The following PIKFYVE variants were observed in gnomAD, a reference collection of about 807,000 sequenced individuals.
PIKFYVE encodes the protein phosphoinositide kinase, FYVE-type zinc finger containing.
PIKFYVE carries 122 observed loss-of-function variants against 257.9 expected under a neutral mutation model. That is an observed-to-expected ratio of 0.47 (90% CI 0.41 to 0.55). The LOEUF is 0.55. Among genes scored for constraint, PIKFYVE ranks in the 20% least tolerant of loss-of-function variants. PIKFYVE has a pLI of 0.00. For missense variants in PIKFYVE, 2,160 were observed against 2,536.6 expected, an observed-to-expected ratio of 0.85 and a Z score of 3.19; for synonymous variants, 892 against 868.9, an observed-to-expected ratio of 1.03 and a Z score of -0.47.
intron 16 of PIKFYVE, among the ~76,000 whole-genome samples, chr2:208,318,412 A>G (rs1695810743): frequency 6.6e-6 from 1 of 152,202 alleles, no homozygotes; most frequent in African/African-American, 2.4e-5. Flanking sequence ...AACCTGGGGT[A>G]TTAAGGAGAC....
At chr2:208,280,021 C>T (rs181308555) in intron 5 of PIKFYVE, among the ~76,000 whole-genome samples, 1 of 152,246 alleles carries the variant, frequency 6.6e-6, no homozygotes, top group African/African-American at 2.4e-5. Flanking sequence ...TTAGTTTCTC[C>T]CTACCTCTAA....
At chr2:208,345,884 G>C (rs1240084366) in intron 33 of PIKFYVE, among the ~76,000 whole-genome samples, 166 bp from the exon 34 acceptor site, 1 of 151,844 alleles carries the variant, frequency 6.6e-6, no homozygotes, top group African/African-American at 2.4e-5. Flanking sequence ...TTTTTTTTCT[G>C]TGTTCTAGCC....
At chr2:208,317,774 T>TCA in intron 15 of PIKFYVE, 93 bp from the exon 16 acceptor site, 1 of 1,241,414 alleles carries the variant, frequency 8.1e-7, no homozygotes, top group Middle Eastern at 2.2e-4. Context: ...ACATAATAGT[T>TCA]TAAAAAAAAT....
chr2:208,267,162 C>A (rs1688744653), intron 1 of PIKFYVE, among the ~76,000 whole-genome samples: 2 of 152,194 alleles, frequency 1.3e-5, no homozygotes, highest in South Asian at 4.1e-4. Context: ...CGCAGTGCAT[C>A]CTGTGTTGTA....
In PIKFYVE at chr2:208,355,275, C is replaced by T. The variant is rs765939037; in HGVS notation, c.6267C>T (p.Asp2089=). Residue 2089 remains aspartate (D), a synonymous_variant, in exon 42 of 42, where the codon GAC becomes GAT. Coordinates refer to ENST00000264380, the MANE Select transcript of PIKFYVE (RefSeq NM_015040.4). ...ACAAGTATTTCCTAATGGTACCAGA[C>T]CACTGGACAGGCTTGGGTCTGAATT... ...AMDKYFLMVP[D]HWTGLGLNC is the part of the protein sequence containing the mutation. The T allele has an allele frequency of 5.6e-6, 9 of 1,613,858 alleles. No individual in the cohort carries two copies. The highest frequency in any genetic ancestry group is 7.6e-6 in the Non-Finnish European group (9 of 1,179,780).
At chr2:208,323,828 T>G (rs1696596023) in intron 17 of PIKFYVE, among the ~76,000 whole-genome samples, 1 of 152,218 alleles carries the variant, frequency 6.6e-6, no homozygotes, top group Non-Finnish European at 1.5e-5. Flanking sequence ...GGTATCTCAT[T>G]GTGGTTTTGA....
At chr2:208,345,963 G>A (rs931486885) in intron 33 of PIKFYVE, 87 bp from the exon 34 acceptor site, 14 of 901,936 alleles carry the variant, frequency 1.6e-5, no homozygotes, top group East Asian at 5.3e-5. Flanking sequence ...GTAAATCAGT[G>A]TACAGCGTAA....
chr2:208,316,986 G>A (rs1393018797), intron 15 of PIKFYVE, among the ~76,000 whole-genome samples: 5 of 151,962 alleles, frequency 3.3e-5, no homozygotes, highest in African/African-American at 4.8e-5. Context: ...ATTAATTCAA[G>A]ATGGATTAAA....
chr2:208,297,379 A>G (rs1305286455), intron 7 of PIKFYVE, among the ~76,000 whole-genome samples: 1 of 152,316 alleles, frequency 6.6e-6, no homozygotes, highest in African/African-American at 2.4e-5. Context: ...ATAACCAATT[A>G]TTTTTAAAAA....
chr2:208,318,500 G>A (rs1364189424), intron 16 of PIKFYVE, among the ~76,000 whole-genome samples: 1 of 152,116 alleles, frequency 6.6e-6, no homozygotes, highest in Non-Finnish European at 1.5e-5. Context: ...TGTCATTAAA[G>A]GTCTTGAACT....
intron 6 of PIKFYVE, among the ~76,000 whole-genome samples, chr2:208,287,807 C>T (rs569979219): frequency 1.2e-4 from 19 of 152,124 alleles, no homozygotes; most frequent in African/African-American, 4.6e-4. Flanking sequence ...GCCATGTTGG[C>T]CAGGCTGGTC....
Position 208,320,273 on chromosome 2 carries a change from C to A in PIKFYVE, c.2104C>A (p.Pro702Thr). 1.2e-6 allele frequency: 2 copies of A among 1,611,480 alleles called. No homozygotes were observed. The highest frequency in any genetic ancestry group is 2.2e-5 in the South Asian group (2 of 90,670). Residue 702 changes from proline to threonine, a missense_variant, in exon 17 of 42, where the codon CCC (proline) becomes ACC (threonine). Physicochemically the swap from Pro to Thr is conservative, Grantham distance 38 (BLOSUM62 -1). This residue lies in a region of PIKFYVE where 346 missense variants were observed against 365.6 expected (regional missense o/e 0.95). Coordinates refer to ENST00000264380, the MANE Select transcript of PIKFYVE (RefSeq NM_015040.4). ...HKKMSSCIKN[P>T]KILLLKCSIE... ...GTAGATGAGTTCTTGTATTAAAAAC[C>A]CCAAAATTCTTCTGTTGAAGTGTTC...
intron 12 of PIKFYVE, among the ~76,000 whole-genome samples, chr2:208,307,703 G>A (rs1337123244): frequency 2.6e-5 from 4 of 152,080 alleles, no homozygotes; most frequent in Non-Finnish European, 5.9e-5. Context: ...CACCAGCATT[G>A]GTTAAGCAAA....
chr2:208,269,965 G>A, intron 1 of PIKFYVE: 1 of 232,170 alleles, frequency 4.3e-6, no homozygotes, highest in African/African-American at 2.3e-5. Flanking sequence ...CATGATGTCT[G>A]GTGGCCAAAG....
At chr2:208,345,242 T>C (rs1406499560) in intron 33 of PIKFYVE, 48 bp downstream of exon 33, 2 of 1,441,090 alleles carry the variant, frequency 1.4e-6, no homozygotes, top group Non-Finnish European at 1.9e-6. Context: ...TATGTTATCA[T>C]TTTCTATATG....
Position 208,335,501 on chromosome 2 carries a change from T to A in PIKFYVE, c.4256+82T>A, listed in dbSNP as rs1319052554. The A allele has an allele frequency of 9.9e-6, 12 of 1,206,176 alleles. No homozygotes were observed. In the East Asian group the frequency reaches 2.9e-4, roughly 29 times the overall value. 74.7% of individuals were successfully genotyped at this position (1,206,176 alleles called of 1,614,324 possible). On this transcript the variant is annotated intron_variant, in intron 25 of 41. Coordinates refer to ENST00000264380, the MANE Select transcript of PIKFYVE (RefSeq NM_015040.4). ...TCAGATTTATTCATTTTATTTTCTT[T>A]GAAAATGTAAATTTTCTAATTGTAT...
chr2:208,353,800 T>G, intron 39 of PIKFYVE, 98 bp from the exon 40 acceptor site: 1 of 1,396,108 alleles, frequency 7.2e-7, no homozygotes, highest in Non-Finnish European at 1.0e-6. Context: ...GTAATGGTAG[T>G]GACTATAAGG....
intron 38 of PIKFYVE, 42 bp downstream of exon 38, chr2:208,351,497 C>G (rs1357067247): frequency 5.6e-6 from 8 of 1,427,438 alleles, no homozygotes; most frequent in African/African-American, 1.4e-5. Flanking sequence ...AGTTTGGTGG[C>G]TTTTTTCACA....
intron 3 of PIKFYVE, among the ~76,000 whole-genome samples, chr2:208,275,754 C>G (rs552503243): frequency 1.3e-3 from 191 of 152,174 alleles, no homozygotes; most frequent in African/African-American, 4.4e-3. Context: ...GAGGAAGATT[C>G]AGAGTGGGGT....
Sources: allele counts gnomAD v4.1 joint callset (sites outside exome capture counted in the v4.1 genomes callset), GRCh38; gene constraint gnomAD v4.1.1; regional missense constraint gnomAD v4.1.1; transcripts MANE v1.5; gene names NCBI Gene and HGNC (gene_info 2026-07-23, HGNC 2026-07-21).